The following SCHIP1 variants were observed in gnomAD, a reference collection of about 807,000 sequenced individuals.
The protein encoded by SCHIP1 is schwannomin interacting protein 1, also known as schwannomin-interacting protein 1.
Under a neutral mutation model 29.7 loss-of-function variants are expected in SCHIP1, and 8 were observed. That is an observed-to-expected ratio of 0.27 (90% CI 0.16 to 0.49). The LOEUF (loss-of-function observed/expected upper bound fraction) is 0.49. SCHIP1 is among the 20% of genes least tolerant of loss of function. The pLI is 0.99. For synonymous variants in SCHIP1, 76 were observed against 94.9 expected (o/e 0.80, Z 1.16); for missense variants, 193 against 294.6 (o/e 0.66, Z 2.52).
the SCHIP1 span, among the ~76,000 whole-genome samples, chr3:159,729,120 C>T: frequency 6.6e-6 from 1 of 151,246 alleles, no homozygotes; most frequent in African/African-American, 2.4e-5. Flanking sequence ...TGCACTCCAG[C>T]CTAGGAGACA....
the SCHIP1 span, chr3:159,274,032 A>T: frequency 6.9e-7 from 1 of 1,453,336 alleles, no homozygotes; most frequent in Non-Finnish European, 9.1e-7. Context: ...CATTTAAGGT[A>T]TATTGGAATG....
the SCHIP1 span, among the ~76,000 whole-genome samples, chr3:159,718,182 C>A: frequency 1.3e-5 from 2 of 152,198 alleles, no homozygotes; most frequent in African/African-American, 2.4e-5. Context: ...ATTTCAACAG[C>A]CTTTCATGCG....
At chr3:159,498,814 C>T in the SCHIP1 span, among the ~76,000 whole-genome samples, 554 of 152,226 alleles carry the variant, frequency 3.6e-3, 8 homozygotes, top group African/African-American at 0.013. Flanking sequence ...TTTCTTTGAT[C>T]CTTAGATGTC....
chr3:159,570,502 A>T, the SCHIP1 span, among the ~76,000 whole-genome samples: 1 of 152,098 alleles, frequency 6.6e-6, no homozygotes, highest in African/African-American at 2.4e-5. Flanking sequence ...CTATTGGTCT[A>T]TATATCTGTT....
the SCHIP1 span, among the ~76,000 whole-genome samples, chr3:159,349,445 C>T: frequency 6.6e-6 from 1 of 152,278 alleles, no homozygotes; most frequent in East Asian, 1.9e-4. Context: ...TTTCTTAAAA[C>T]CTTTTTAATC....
the SCHIP1 span, among the ~76,000 whole-genome samples, chr3:159,288,125 T>C: frequency 1.3e-5 from 2 of 152,132 alleles, no homozygotes; most frequent in Non-Finnish European, 2.9e-5. Context: ...TAGAATCATG[T>C]CATACGAGTT....
the SCHIP1 span, among the ~76,000 whole-genome samples, chr3:159,699,863 T>A: frequency 1.3e-5 from 2 of 152,076 alleles, no homozygotes; most frequent in East Asian, 1.9e-4. Context: ...CAGTGACTCA[T>A]GAAAGGCACA....
chr3:159,417,940 C>T, the SCHIP1 span, among the ~76,000 whole-genome samples: 1 of 152,036 alleles, frequency 6.6e-6, no homozygotes, highest in Admixed American at 6.6e-5. Context: ...CAAAAGCCTG[C>T]CAACAGCCTG....
At chr3:159,514,050 A>G in the SCHIP1 span, among the ~76,000 whole-genome samples, 55 of 152,234 alleles carry the variant, frequency 3.6e-4, no homozygotes, top group Admixed American at 6.5e-4. Flanking sequence ...GCAGAAAGAC[A>G]CAATAATTGT....
At chr3:159,586,553 A>G in the SCHIP1 span, among the ~76,000 whole-genome samples, 1 of 152,166 alleles carries the variant, frequency 6.6e-6, no homozygotes, top group Non-Finnish European at 1.5e-5. Context: ...ACATTTTCTT[A>G]ATATTTAAAC....
At chr3:159,750,265 A>G in the SCHIP1 span, among the ~76,000 whole-genome samples, 1,115 of 9,264 alleles carry the variant, frequency 0.12, 12 homozygotes, top group Admixed American at 0.32. Context: ...GTGTGTGTGT[A>G]TATATATATA....
the SCHIP1 span, among the ~76,000 whole-genome samples, chr3:159,527,839 AAT>A: frequency 6.6e-6 from 1 of 152,210 alleles, no homozygotes; most frequent in Non-Finnish European, 1.5e-5. Flanking sequence ...ATGAAGCCTT[AAT>A]ATTTCAGCCG....
chr3:159,857,513 A>G (rs1394545091), intron 1 of SCHIP1, among the ~76,000 whole-genome samples: 3 of 152,180 alleles, frequency 2.0e-5, no homozygotes, highest in Non-Finnish European at 4.4e-5. Context: ...GTATATTCAT[A>G]AGGCTGTGCA....
chr3:159,873,296 T>C (rs1715465103), intron 2 of SCHIP1, among the ~76,000 whole-genome samples: 1 of 152,236 alleles, frequency 6.6e-6, no homozygotes, highest in Non-Finnish European at 1.5e-5. Context: ...AGTGGGATCT[T>C]TGGCAAACTA....
chr3:159,800,693 G>A, the SCHIP1 span, among the ~76,000 whole-genome samples: 1 of 149,808 alleles, frequency 6.7e-6, no homozygotes, highest in Non-Finnish European at 1.5e-5. Context: ...TGTTGTTAAG[G>A]GCCCATGACC....
At chr3:159,587,176 A>G in the SCHIP1 span, among the ~76,000 whole-genome samples, 6 of 152,212 alleles carry the variant, frequency 3.9e-5, no homozygotes, top group African/African-American at 9.6e-5. Flanking sequence ...CCTGGAAAGC[A>G]GTTCGTAATT....
chr3:159,522,988 C>T, the SCHIP1 span, among the ~76,000 whole-genome samples: 1 of 152,090 alleles, frequency 6.6e-6, no homozygotes, highest in Non-Finnish European at 1.5e-5. Context: ...AAAAATAGGC[C>T]GAGTAATAAA....
chr3:159,572,282 A>G, the SCHIP1 span, among the ~76,000 whole-genome samples: 5 of 152,196 alleles, frequency 3.3e-5, no homozygotes, highest in East Asian at 9.6e-4. Context: ...CCCTCTAAAC[A>G]CTGCTTTAGC....
chr3:159,678,552 T>G, the SCHIP1 span, among the ~76,000 whole-genome samples: 1 of 152,252 alleles, frequency 6.6e-6, no homozygotes. Context: ...TATCTAAAAC[T>G]AATATAACAA....
Sources: gnomAD v4.1 joint callset for allele counts (sites outside exome capture counted in the v4.1 genomes callset) on GRCh38, gnomAD v4.1.1 for gene constraint, MANE v1.5 for transcripts, NCBI Gene and HGNC (gene_info 2026-07-23, HGNC 2026-07-21) for gene names.